Variants in ACSS3 observed in about 807,000 individuals in gnomAD.
ACSS3 encodes acyl-CoA synthetase short-chain family member 3, mitochondrial.
In ACSS3, 64 loss-of-function variants were observed where a neutral mutation model predicts 84.2. That is an observed-to-expected ratio of 0.76 (90% CI 0.62 to 0.94). The LOEUF (loss-of-function observed/expected upper bound fraction) is 0.94, where lower values mean the gene tolerates loss of function less well. Ranked by LOEUF, ACSS3 falls within the 40% of genes least tolerant of loss-of-function variation. The pLI is 0.00. For missense variants in ACSS3, 815 were observed against 867.6 expected, an observed-to-expected ratio of 0.94 and a Z score of 0.76; for synonymous variants, 317 against 310.1, an observed-to-expected ratio of 1.02 and a Z score of -0.23.
At chr12:81,230,329 G>A (rs1284713331) in intron 11 of ACSS3, among the ~76,000 whole-genome samples, 1 of 151,810 alleles carries the variant, frequency 6.6e-6, no homozygotes, top group Non-Finnish European at 1.5e-5. Context: ...AACACAGATA[G>A]ATACATAGTT....
chr12:81,153,542 G>A (rs971023598), intron 7 of ACSS3, among the ~76,000 whole-genome samples: 1 of 152,126 alleles, frequency 6.6e-6, no homozygotes, highest in African/African-American at 2.4e-5. Flanking sequence ...TGAATGCGGA[G>A]TTACAGAGGG....
intron 1 of ACSS3, among the ~76,000 whole-genome samples, chr12:81,079,417 T>C (rs1401174698): frequency 6.6e-6 from 1 of 151,888 alleles, no homozygotes; most frequent in African/African-American, 2.4e-5. Flanking sequence ...TGCTCAGCAA[T>C]GAGATGAGGG....
At chr12:81,184,164 A>G (rs1003164766) in intron 8 of ACSS3, among the ~76,000 whole-genome samples, 1 of 152,030 alleles carries the variant, frequency 6.6e-6, no homozygotes, top group Non-Finnish European at 1.5e-5. Context: ...AAATATGTGG[A>G]AATTAAACAA....
chr12:81,228,887 A>G (rs2033359978), intron 11 of ACSS3, among the ~76,000 whole-genome samples: 1 of 151,400 alleles, frequency 6.6e-6, no homozygotes, highest in East Asian at 2.0e-4. Context: ...ATAAAATGGG[A>G]AAAAAATACC....
intron 10 of ACSS3, 97 bp from the exon 11 acceptor site, chr12:81,219,916 A>T: frequency 1.4e-6 from 1 of 736,800 alleles, no homozygotes; most frequent in Non-Finnish European, 2.0e-6. Context: ...TTACTCTCTT[A>T]AGCTAGAGCT....
rs545068704 is a variant in ACSS3 at position 81,135,172 on chromosome 12, G to A, written c.645+168G>A. 1.0e-4 allele frequency among the ~76,000 whole-genome samples: 15 copies of A among 150,576 alleles called. No individual in the cohort carries two copies. The East Asian group carries it at 1.6e-3, about 16-fold the overall frequency. ...TCATTATATTAAATATCAAAAAGAC[G>A]CCTACATGCATATGTTTATTGCAGC... On this transcript the variant is annotated intron_variant, in intron 3 of 15. Transcript: ENST00000548058.
At chr12:81,144,218 G>A (rs972024829) in intron 5 of ACSS3, among the ~76,000 whole-genome samples, 8 of 152,072 alleles carry the variant, frequency 5.3e-5, no homozygotes, top group Non-Finnish European at 8.8e-5. Flanking sequence ...GAACACTTTT[G>A]GTAGGGTAAT....
chr12:81,238,038 C>T (rs1385583897), intron 13 of ACSS3, among the ~76,000 whole-genome samples: 3 of 151,646 alleles, frequency 2.0e-5, no homozygotes, highest in African/African-American at 4.8e-5. Flanking sequence ...CCCCTCTATT[C>T]GTAGTATACT....
intron 2 of ACSS3, among the ~76,000 whole-genome samples, chr12:81,132,237 G>A (rs535331347): frequency 2.0e-5 from 3 of 152,084 alleles, no homozygotes; most frequent in Non-Finnish European, 4.4e-5. Context: ...GTAGAATTTG[G>A]CTGTGAATCT....
intron 13 of ACSS3, among the ~76,000 whole-genome samples, chr12:81,248,907 A>G (rs1432165053): frequency 1.3e-5 from 2 of 151,998 alleles, no homozygotes; most frequent in African/African-American, 4.8e-5. Context: ...TACCTAAATC[A>G]AGCAGATATT....
chr12:81,181,952 A>C (rs796876451), intron 8 of ACSS3, among the ~76,000 whole-genome samples: 30 of 152,234 alleles, frequency 2.0e-4, no homozygotes, highest in African/African-American at 7.2e-4. Flanking sequence ...TATGTTCTTT[A>C]AGAAGGGAAG....
intron 11 of ACSS3, among the ~76,000 whole-genome samples, chr12:81,226,642 T>C (rs1420369870): frequency 6.6e-6 from 1 of 151,926 alleles, no homozygotes; most frequent in Non-Finnish European, 1.5e-5. Context: ...AAAATACTGC[T>C]TTTACTATAT....
intron 15 of ACSS3, 33 bp downstream of exon 15, chr12:81,253,703 TA>T (rs2034220982): frequency 6.3e-7 from 1 of 1,586,170 alleles, no homozygotes; most frequent in Admixed American, 1.8e-5. Context: ...TCCTGGGTTC[TA>T]AGATATTTTT....
chr12:81,234,640 A>G (rs2033572692), intron 13 of ACSS3, among the ~76,000 whole-genome samples: 1 of 151,390 alleles, frequency 6.6e-6, no homozygotes, highest in Non-Finnish European at 1.5e-5. Context: ...GCATTTCTGT[A>G]ATAACTAGTG....
intron 2 of ACSS3, among the ~76,000 whole-genome samples, chr12:81,131,515 A>G (rs1330203540): frequency 6.6e-6 from 1 of 152,204 alleles, no homozygotes; most frequent in Non-Finnish European, 1.5e-5. Flanking sequence ...TATCAGCTTA[A>G]GGAGATTTGG....
At chr12:81,242,974 C>A (rs572555765) in intron 13 of ACSS3, among the ~76,000 whole-genome samples, 1 of 152,216 alleles carries the variant, frequency 6.6e-6, no homozygotes, top group Admixed American at 6.5e-5. Flanking sequence ...TGTCTCACCA[C>A]TCCTATTCAA....
At chr12:81,185,072 A>T (rs12832640) in intron 8 of ACSS3, among the ~76,000 whole-genome samples, 69,602 of 151,492 alleles carry the variant, frequency 0.46, 16,527 homozygotes, top group Middle Eastern at 0.52. Context: ...AACTGATTTA[A>T]CGTACATAAA....
rs958270697 is a variant in ACSS3 at position 81,194,906 on chromosome 12, T to C, written c.1251-4435T>C. On this transcript the variant is annotated intron_variant, in intron 8 of 15. Coordinates refer to ENST00000548058, the MANE Select transcript of ACSS3 (RefSeq NM_024560.4). ...CAAAAATGCTGGTAATATCAAGATA[T>C]CAGGTGTCCCTTGGTTTGCTAAAAA... Among the ~76,000 whole-genome samples, 3 of 151,976 alleles carry C rather than the reference T, an allele frequency of 2.0e-5. No individual in the cohort carries two copies. In the East Asian group the frequency reaches 5.8e-4, roughly 29 times the overall value.
chr12:81,225,361 C>T (rs2033238794), intron 11 of ACSS3, among the ~76,000 whole-genome samples: 1 of 151,946 alleles, frequency 6.6e-6, no homozygotes, highest in Non-Finnish European at 1.5e-5. Context: ...GAACAGAAAG[C>T]ATGCACTTAT....
Sources: gnomAD v4.1 joint callset for allele counts (sites outside exome capture counted in the v4.1 genomes callset) on GRCh38, gnomAD v4.1.1 for gene constraint, MANE v1.5 for transcripts, NCBI Gene and HGNC (gene_info 2026-07-23, HGNC 2026-07-21) for gene names.